Variants in NTRK2 observed in about 807,000 individuals in gnomAD.
NTRK2 encodes the protein BDNF/NT-3 growth factors receptor.
NTRK2 carries 13 observed loss-of-function variants against 94.5 expected under a neutral mutation model. The observed-to-expected ratio is 0.14, with a 90% confidence interval of 0.09 to 0.22. The LOEUF (loss-of-function observed/expected upper bound fraction) is 0.22, where lower values mean the gene tolerates loss of function less well. Among genes scored for constraint, NTRK2 ranks in the 10% least tolerant of loss-of-function variants. The probability of loss-of-function intolerance (pLI) is 1.00; values close to 1 mark genes in which losing one functional copy is unlikely to be tolerated. For missense variants in NTRK2, 639 were observed against 1,071.2 expected (o/e 0.60, Z 5.63); for synonymous variants, 372 against 407.4 (o/e 0.91, Z 1.05).
intron 12 of NTRK2, among the ~76,000 whole-genome samples, chr9:84,840,683 T>A (rs999994858): frequency 1.3e-5 from 2 of 152,200 alleles, no homozygotes; most frequent in African/African-American, 4.8e-5. Flanking sequence ...TGACTTCCCA[T>A]GCACCATGCC....
chr9:84,815,990 T>TAAAAA (rs34917078), intron 12 of NTRK2, among the ~76,000 whole-genome samples: 3 of 139,138 alleles, frequency 2.2e-5, no homozygotes, highest in African/African-American at 2.8e-5. Flanking sequence ...AGGCAATCCT[T>TAAAAA]AAAAAAAAAA....
At chr9:84,956,326 T>G (rs540541978) in intron 17 of NTRK2, among the ~76,000 whole-genome samples, 5 of 152,212 alleles carry the variant, frequency 3.3e-5, no homozygotes, top group African/African-American at 1.2e-4. Flanking sequence ...AGAGGCAGAG[T>G]TACAGACAGT....
chr9:84,675,389 A>G (rs961525378), intron 2 of NTRK2, among the ~76,000 whole-genome samples: 6 of 120,014 alleles, frequency 5.0e-5, no homozygotes, highest in African/African-American at 1.7e-4. Flanking sequence ...GTTTTAACTC[A>G]TTGGTCATCT....
At position 85,026,979 on chromosome 9, in the gene NTRK2, C is replaced by A; in HGVS notation, c.*5542C>A. 1 of 232,208 alleles carries A rather than the reference C, an allele frequency of 4.3e-6. No individual in the cohort carries two copies. Among genetic ancestry groups the A allele is most frequent in the Middle Eastern group, 1.3e-3 (1 of 778 alleles). 14.4% of individuals were successfully genotyped at this position (232,208 alleles called of 1,614,324 possible). A position where few individuals can be genotyped will look rare whatever the true frequency, so the allele number is the denominator to read the frequency against. The stretch of plus-strand genomic sequence containing the variant: ...AAATCATGTGACCAGCTTCTCTCAA[C>A]CTGACATGGAAAGTCTCTTGTACTA... On this transcript the variant is annotated 3_prime_UTR_variant, in exon 19 of 19. Coordinates refer to ENST00000277120, the MANE Select transcript of NTRK2 (RefSeq NM_006180.6).
chr9:84,969,386 G>A (rs1454565332), intron 17 of NTRK2, among the ~76,000 whole-genome samples: 2 of 152,236 alleles, frequency 1.3e-5, no homozygotes, highest in African/African-American at 4.8e-5. Flanking sequence ...CACATTGCAG[G>A]AAAAGCTCAA....
intron 6 of NTRK2, among the ~76,000 whole-genome samples, chr9:84,722,388 G>A (rs11140743): frequency 6.6e-6 from 1 of 152,054 alleles, no homozygotes; most frequent in Non-Finnish European, 1.5e-5. Context: ...TTGCCGGTAA[G>A]AATACATGAT....
chr9:84,948,463 C>T lies in NTRK2; in HGVS notation c.1766C>T (p.Thr589Ile). 1 of 1,614,118 alleles carries T rather than the reference C, an allele frequency of 6.2e-7. No homozygotes were observed. Among genetic ancestry groups the T allele is most frequent in the Non-Finnish European group, 8.5e-7 (1 of 1,179,998 alleles). Residue 589 changes from threonine (T) to isoleucine (I), a missense_variant and splice_region_variant, in exon 16 of 19, where the codon ACC becomes ATC. Physicochemically the swap from Thr to Ile is moderately conservative, Grantham distance 89. Coordinates refer to ENST00000277120, the MANE Select transcript of NTRK2 (RefSeq NM_006180.6). Reference protein sequence around the residue: ...EQDKILVAVKTLKDASDNARK... With the variant: ...EQDKILVAVKILKDASDNARK... ...TTCTCTTTTAACACCCATCCCCAGA[C>T]CCTGAAGGATGCCAGTGACAATGCA...
intron 16 of NTRK2, among the ~76,000 whole-genome samples, chr9:84,952,831 A>G (rs995609561): frequency 2.0e-5 from 3 of 152,160 alleles, no homozygotes; most frequent in Admixed American, 6.5e-5. Flanking sequence ...GGGTTGGAGG[A>G]CAGAATTTTG....
At chr9:84,995,079 G>A (rs1290696841) in intron 17 of NTRK2, among the ~76,000 whole-genome samples, 1 of 152,194 alleles carries the variant, frequency 6.6e-6, no homozygotes, top group East Asian at 1.9e-4. Context: ...TTCCATGTGA[G>A]TCCTTAGAAA....
At position 84,953,228 on chromosome 9, in the gene NTRK2, C is replaced by T. The variant is rs1218131043; in HGVS notation, c.1938-2055C>T. On this transcript the variant is annotated intron_variant, in intron 16 of 18. Coordinates refer to ENST00000277120, the MANE Select transcript of NTRK2 (RefSeq NM_006180.6). Reference sequence around the variant, plus strand: ...GAAGAGCCCTGTTACAGGCCAGTTACAAAAAGTAATGCACAGAGGATAACT... The same window carrying T: ...GAAGAGCCCTGTTACAGGCCAGTTATAAAAAGTAATGCACAGAGGATAACT... 2.0e-5 allele frequency among the ~76,000 whole-genome samples: 3 copies of T among 152,212 alleles called. No homozygotes were observed. The East Asian group carries it at 5.8e-4, about 29-fold the overall frequency.
At position 85,023,728 on chromosome 9, in the gene NTRK2, C is replaced by A. The variant is rs1190137854; in HGVS notation, c.*2291C>A. On this transcript the variant is annotated 3_prime_UTR_variant, in exon 19 of 19. Transcript: ENST00000277120. ...ATGGTACTCTTAAAACACTGTAGAA[C>A]TCTGTGACGCAGTAAGGAAGGGGCA... is the stretch of plus-strand genomic sequence containing the variant. 2.2e-5 allele frequency: 5 copies of A among 231,506 alleles called. No individual in the cohort carries two copies. The highest frequency in any genetic ancestry group is 1.1e-4 in the African/African-American group (5 of 45,182). The allele number at this position is 231,506 out of a possible 1,614,324, so 14.3% of individuals were successfully genotyped here.
chr9:84,801,603 T>A (rs1015105723), intron 12 of NTRK2, among the ~76,000 whole-genome samples: 11 of 152,220 alleles, frequency 7.2e-5, no homozygotes, highest in African/African-American at 2.4e-4. Flanking sequence ...TGTTGCCGGG[T>A]GATTTTGCCC....
intron 9 of NTRK2, among the ~76,000 whole-genome samples, chr9:84,734,670 AG>A (rs1324904987): frequency 5.3e-5 from 8 of 152,174 alleles, no homozygotes; most frequent in Non-Finnish European, 1.2e-4. Flanking sequence ...GTTTGATGAA[AG>A]GAAGTTCCCC....
intron 12 of NTRK2, among the ~76,000 whole-genome samples, chr9:84,834,319 C>A (rs1159089214): frequency 1.2e-4 from 19 of 152,226 alleles, no homozygotes. Flanking sequence ...TTTAATCCTA[C>A]CTATAAAGGA....
intron 11 of NTRK2, among the ~76,000 whole-genome samples, chr9:84,747,926 A>G (rs369853940): frequency 3.9e-5 from 6 of 152,202 alleles, no homozygotes; most frequent in African/African-American, 1.4e-4. Flanking sequence ...GAGAGGTGCA[A>G]TATTGTGTTT....
At position 84,888,404 on chromosome 9, in the gene NTRK2, A is replaced by T. The variant is rs1295302431; in HGVS notation, c.1633+20973A>T. On this transcript the variant is annotated intron_variant, in intron 14 of 18. Transcript: ENST00000277120. ...GGCGGGTGGATCACAAGGTCAAGAG[A>T]CCGAGACCATCCTGGCCAACATGGT... is the stretch of plus-strand genomic sequence containing the variant. Among the ~76,000 whole-genome samples the T allele has an allele frequency of 3.3e-5, 5 of 151,590 alleles. No individual in the cohort carries two copies. The South Asian group carries it at 6.3e-4, about 19-fold the overall frequency.
In NTRK2 at chr9:84,816,881, G is replaced by A. The variant is rs191325923; in HGVS notation, c.1397-44159G>A. On this transcript the variant is annotated intron_variant, in intron 12 of 18. Coordinates refer to ENST00000277120, the MANE Select transcript of NTRK2 (RefSeq NM_006180.6). ...TTCTCCATTTGTTGAACGAAGAACA[G>A]GTTGCATCTAACATCTGAAGGTCAT... 8.5e-3 allele frequency among the ~76,000 whole-genome samples: 1,287 copies of A among 152,176 alleles called. 14 individuals carry two copies. The highest frequency in any genetic ancestry group is 0.03 in the African/African-American group (1,226 of 41,500).
chr9:84,873,520 T>C lies in NTRK2; in HGVS notation c.1633+6089T>C. 3 of 1,056,584 alleles carry C rather than the reference T, an allele frequency of 2.8e-6. No individual in the cohort carries two copies. The African/African-American group carries it at 4.9e-5, about 17-fold the overall frequency. 65.5% of individuals were successfully genotyped at this position (1,056,584 alleles called of 1,614,324 possible). ...GTGCCACGGCCCCCCCATTGCTAGC[T>C]ACAACAATTTGATATCATATTCCCT... On this transcript the variant is annotated intron_variant, in intron 14 of 18. Transcript: ENST00000277120.
chr9:84,716,867 T>C (rs541605465), intron 6 of NTRK2, among the ~76,000 whole-genome samples: 4 of 152,350 alleles, frequency 2.6e-5, no homozygotes, highest in East Asian at 1.9e-4. Context: ...AGTTTCAAAT[T>C]TGAGCTTGCA....
Sources: gnomAD v4.1 joint callset for allele counts (sites outside exome capture counted in the v4.1 genomes callset) on GRCh38, gnomAD v4.1.1 for gene constraint, MANE v1.5 for transcripts, NCBI Gene and HGNC (gene_info 2026-07-23, HGNC 2026-07-21) for gene names.